MIGA1: variants seen among roughly 807,000 people sequenced by gnomAD.
MIGA1 encodes family with sequence similarity 73, member A.
A neutral mutation model predicts 82.0 loss-of-function variants in MIGA1; 58 were observed. That is an observed-to-expected ratio of 0.71 (90% confidence interval 0.57 to 0.88). The LOEUF is 0.88. Ranked by LOEUF, MIGA1 falls within the 40% of genes least tolerant of loss-of-function variation. The pLI is 0.00. For synonymous variants in MIGA1, 249 were observed against 253.6 expected, an observed-to-expected ratio of 0.98 and a Z score of 0.17; for missense variants, 751 against 749.1, an observed-to-expected ratio of 1.00 and a Z score of -0.03.
chr1:77,848,781 T>G (rs1222888871), intron 8 of MIGA1: 1 of 1,297,882 alleles, frequency 7.7e-7, no homozygotes, highest in Admixed American at 2.3e-5. Flanking sequence ...CAAAGAGCTA[T>G]ATTGACAAAC....
At chr1:77,848,769 T>C in intron 8 of MIGA1, 1 of 1,342,566 alleles carries the variant, frequency 7.4e-7, no homozygotes, top group Non-Finnish European at 1.0e-6. Flanking sequence ...TGCAGGTTAA[T>C]GCAAAGAGCT....
At chr1:77,788,827 G>C (rs1189790088) in intron 2 of MIGA1, among the ~76,000 whole-genome samples, 1 of 152,120 alleles carries the variant, frequency 6.6e-6, no homozygotes, top group Non-Finnish European at 1.5e-5. Flanking sequence ...AGTGAGTTTT[G>C]AAATTAGGAA....
chr1:77,813,487 A>G (rs1016940843), intron 5 of MIGA1, among the ~76,000 whole-genome samples: 15 of 152,036 alleles, frequency 9.9e-5, no homozygotes, highest in South Asian at 2.1e-4. Context: ...CACCATATAC[A>G]TTTGTGTTAT....
chr1:77,791,211 C>G (rs1570921645), intron 2 of MIGA1, among the ~76,000 whole-genome samples: 1 of 149,154 alleles, frequency 6.7e-6, no homozygotes, highest in East Asian at 2.0e-4. Flanking sequence ...TTATTGCACT[C>G]CAGCCTGGCA....
intron 14 of MIGA1, among the ~76,000 whole-genome samples, chr1:77,870,230 C>G (rs1404562720): frequency 1.5e-4 from 20 of 129,126 alleles, no homozygotes; most frequent in Non-Finnish European, 2.8e-4. Flanking sequence ...GACCCCCCCC[C>G]CCACCTCCCT....
chr1:77,829,453 A>C (rs1684152109), intron 7 of MIGA1, among the ~76,000 whole-genome samples: 1 of 152,004 alleles, frequency 6.6e-6, no homozygotes, highest in African/African-American at 2.4e-5. Context: ...CCTGTCCCTT[A>C]AAAAATCTTC....
At position 77,844,100 on chromosome 1, in the gene MIGA1, TAAAA is replaced by T. The variant is rs140327554; in HGVS notation, c.996+704_996+707del. 9.6e-3 allele frequency among the ~76,000 whole-genome samples: 656 copies of T among 68,436 alleles called. 7 individuals carry two copies. The highest frequency in any genetic ancestry group is 0.032 in the African/African-American group (496 of 15,648). The allele number at this position is 68,436 out of a possible 152,430, so 44.9% of individuals were successfully genotyped here. A position where few individuals can be genotyped will look rare whatever the true frequency, so the allele number is the denominator to read the frequency against. On this transcript the variant is annotated intron_variant, in intron 8 of 15. Transcript: ENST00000370791. The stretch of plus-strand genomic sequence containing the variant: ...TGGGTGACAGAACAAGACCCTGTCT[TAAAA>T]AAAAAAAAAATATATATATATATAT...
intron 8 of MIGA1, chr1:77,847,376 T>A: frequency 9.4e-7 from 1 of 1,067,636 alleles, no homozygotes; most frequent in Non-Finnish European, 1.5e-6. Context: ...AGGAAAACAA[T>A]ACTAAATTGC....
chr1:77,797,817 T>G lies in MIGA1; in HGVS notation c.196-3514T>G, dbSNP rs533866660. ...ATATTGACTTTGTATTCTGTTATCT[T>G]GTGAAACTTACCTACTAGTTATAGG... is the stretch of plus-strand genomic sequence containing the variant. On this transcript the variant is annotated intron_variant, in intron 2 of 15. Coordinates refer to ENST00000370791, the MANE Select transcript of MIGA1 (RefSeq NM_198549.4). Among the ~76,000 whole-genome samples, 3 of 152,340 alleles carry G rather than the reference T, an allele frequency of 2.0e-5. No individual in the cohort carries two copies. The South Asian group carries it at 6.2e-4, about 32-fold the overall frequency.
chr1:77,790,146 A>G (rs1467111110), intron 2 of MIGA1, among the ~76,000 whole-genome samples: 1 of 152,244 alleles, frequency 6.6e-6, no homozygotes. Context: ...TGACAGTGAC[A>G]ATGTATGTAT....
At chr1:77,813,421 G>A (rs563258444) in intron 5 of MIGA1, among the ~76,000 whole-genome samples, 52 of 152,236 alleles carry the variant, frequency 3.4e-4, no homozygotes, top group African/African-American at 1.2e-3. Context: ...ATAAAAAATA[G>A]CTATTACTGT....
intron 8 of MIGA1, among the ~76,000 whole-genome samples, chr1:77,852,975 G>A (rs1256353608): frequency 6.6e-6 from 1 of 152,190 alleles, no homozygotes; most frequent in Non-Finnish European, 1.5e-5. Context: ...ACAGGAATGA[G>A]CCACTGCACC....
intron 2 of MIGA1, among the ~76,000 whole-genome samples, chr1:77,786,167 A>G (rs966618639): frequency 1.3e-5 from 2 of 152,220 alleles, no homozygotes; most frequent in African/African-American, 4.8e-5. Flanking sequence ...CCCAAGCTCT[A>G]TGGTGGCCCC....
chr1:77,862,068 G>C (rs1685476438), intron 12 of MIGA1: 1 of 150,424 alleles, frequency 6.6e-6, no homozygotes, highest in Admixed American at 6.6e-5. Context: ...TTGAACCTGG[G>C]AGGTGGAGGC....
chr1:77,827,552 A>G (rs941442229), intron 7 of MIGA1, among the ~76,000 whole-genome samples: 1 of 152,184 alleles, frequency 6.6e-6, no homozygotes, highest in East Asian at 1.9e-4. Flanking sequence ...TTACCCAGCC[A>G]GCTGCGTAGA....
At chr1:77,871,125 G>GAGGGA (rs1553229461) in intron 14 of MIGA1, among the ~76,000 whole-genome samples, 3 of 74,214 alleles carry the variant, frequency 4.0e-5, no homozygotes, top group Non-Finnish European at 7.9e-5. Flanking sequence ...GAGAGGGAGA[G>GAGGGA]GAGGGAGAGG....
intron 7 of MIGA1, among the ~76,000 whole-genome samples, chr1:77,817,051 A>G (rs1267326881): frequency 2.6e-5 from 4 of 152,228 alleles, no homozygotes; most frequent in Non-Finnish European, 4.4e-5. Flanking sequence ...CCTCATTATA[A>G]GGATCTTGTG....
chr1:77,863,741 G>A (rs1212655475), intron 12 of MIGA1, among the ~76,000 whole-genome samples, 153 bp from the exon 13 acceptor site: 2 of 152,036 alleles, frequency 1.3e-5, no homozygotes, highest in Non-Finnish European at 2.9e-5. Flanking sequence ...TTCTAGTGGC[G>A]AGCTTTCATA....
intron 2 of MIGA1, among the ~76,000 whole-genome samples, chr1:77,785,663 T>C (rs1290581924): frequency 6.6e-6 from 1 of 152,142 alleles, no homozygotes; most frequent in Non-Finnish European, 1.5e-5. Context: ...AATATTAAAG[T>C]TCCAAAATGA....
Sources: allele counts gnomAD v4.1 joint callset (sites outside exome capture counted in the v4.1 genomes callset), GRCh38; gene constraint gnomAD v4.1.1; transcripts MANE v1.5; gene names NCBI Gene and HGNC (gene_info 2026-07-23, HGNC 2026-07-21).